Variants in NMNAT2 observed in about 807,000 individuals in gnomAD.
The protein encoded by NMNAT2 is nicotinamide nucleotide adenylyltransferase 2, also known as nicotinamide/nicotinic acid mononucleotide adenylyltransferase 2.
A neutral mutation model predicts 41.6 loss-of-function variants in NMNAT2; 11 were observed. The ratio of observed to expected loss-of-function variants is 0.26; its 90% CI spans 0.17 to 0.44. The LOEUF (loss-of-function observed/expected upper bound fraction) is 0.44, where lower values mean the gene tolerates loss of function less well. Among genes scored for constraint, NMNAT2 ranks in the 20% least tolerant of loss-of-function variants. NMNAT2 has a pLI of 1.00. For missense variants in NMNAT2, 288 were observed against 407.7 expected, an observed-to-expected ratio of 0.71 and a Z score of 2.53; for synonymous variants, 148 against 151.2, an observed-to-expected ratio of 0.98 and a Z score of 0.16.
chr1:183,253,160 TC>T (rs1249021235), intron 10 of NMNAT2, among the ~76,000 whole-genome samples: 1 of 151,054 alleles, frequency 6.6e-6, no homozygotes, highest in Admixed American at 6.6e-5. Context: ...TATATTTAAG[TC>T]ATACAATCTG....
chr1:183,385,584 A>G (rs114298361), intron 1 of NMNAT2, among the ~76,000 whole-genome samples: 2 of 152,192 alleles, frequency 1.3e-5, no homozygotes, highest in African/African-American at 4.8e-5. Flanking sequence ...TGATATAAAC[A>G]GACAGAGCCT....
chr1:183,293,119 G>GATAGA (rs1661587022), intron 2 of NMNAT2, among the ~76,000 whole-genome samples: 1 of 152,208 alleles, frequency 6.6e-6, no homozygotes. Flanking sequence ...AGCAGCCCCT[G>GATAGA]TGTGCCCTGC....
At chr1:183,366,863 T>G (rs1663424671) in intron 1 of NMNAT2, among the ~76,000 whole-genome samples, 1 of 152,090 alleles carries the variant, frequency 6.6e-6, no homozygotes, top group Non-Finnish European at 1.5e-5. Context: ...TCTTACCTCC[T>G]CCTGTCAACC....
In NMNAT2 at chr1:183,284,799, G is replaced by A. The variant is rs200896915; in HGVS notation, c.449-9C>T. The stretch of plus-strand genomic sequence containing the variant: ...CTTCCCCAAGATCTTGGCTATGGGA[G>A]AGAGCAAGACAGACAGGGACAGAGT... On this transcript the variant is annotated splice_polypyrimidine_tract_variant and intron_variant, in intron 5 of 10. Coordinates refer to ENST00000287713, the MANE Select transcript of NMNAT2 (RefSeq NM_015039.4). 8.7e-5 allele frequency: 140 copies of A among 1,612,852 alleles called. 3 individuals carry two copies. The South Asian group carries it at 1.4e-3, about 16-fold the overall frequency.
chr1:183,413,040 T>A (rs1279404327), intron 1 of NMNAT2, among the ~76,000 whole-genome samples: 6 of 152,256 alleles, frequency 3.9e-5, no homozygotes, highest in Non-Finnish European at 5.9e-5. Context: ...TTTTCCTGGC[T>A]GGCTCACTTG....
chr1:183,394,877 A>G (rs1648589111), intron 1 of NMNAT2, among the ~76,000 whole-genome samples: 1 of 152,222 alleles, frequency 6.6e-6, no homozygotes, highest in Non-Finnish European at 1.5e-5. Flanking sequence ...CCTTGGCAGG[A>G]GGCAGCTCCT....
intron 1 of NMNAT2, among the ~76,000 whole-genome samples, chr1:183,349,012 G>T (rs1662990595): frequency 6.6e-6 from 1 of 152,156 alleles, no homozygotes; most frequent in Admixed American, 6.5e-5. Flanking sequence ...GTTGACCCAG[G>T]CATGTCCACT....
chr1:183,269,700 T>C lies in NMNAT2; in HGVS notation c.652-8397A>G, dbSNP rs187583426. On this transcript the variant is annotated intron_variant, in intron 8 of 10. Transcript: ENST00000287713. The stretch of plus-strand genomic sequence containing the variant: ...CTTATGACAACTGTCTTCTGAGATA[T>C]GTGCCTCAGTTCTTATTTCATAGGT... Among the ~76,000 whole-genome samples, 102 of 152,376 alleles carry C rather than the reference T, an allele frequency of 6.7e-4. 1 individual carries two copies. Among genetic ancestry groups the C allele is most frequent in the Admixed American group, 6.1e-3 (93 of 15,308 alleles).
At chr1:183,369,886 T>C (rs1231993337) in intron 1 of NMNAT2, among the ~76,000 whole-genome samples, 1 of 151,980 alleles carries the variant, frequency 6.6e-6, no homozygotes, top group African/African-American at 2.4e-5. Context: ...ATTATCCCCA[T>C]TGCAAAATAG....
At chr1:183,254,248 G>T (rs1660465611) in intron 10 of NMNAT2, among the ~76,000 whole-genome samples, 2 of 152,114 alleles carry the variant, frequency 1.3e-5, no homozygotes. Flanking sequence ...ATCGACATTT[G>T]TTATCTCTTA....
intron 1 of NMNAT2, among the ~76,000 whole-genome samples, chr1:183,330,258 A>T (rs1445715049): frequency 6.6e-6 from 1 of 152,250 alleles, no homozygotes; most frequent in Non-Finnish European, 1.5e-5. Flanking sequence ...CATTTTGAAC[A>T]GTGCCTGGCA....
At chr1:183,339,742 C>T (rs1484960390) in intron 1 of NMNAT2, among the ~76,000 whole-genome samples, 2 of 149,658 alleles carry the variant, frequency 1.3e-5, no homozygotes, top group Non-Finnish European at 3.0e-5. Flanking sequence ...TGATAACTGC[C>T]CTGCCACCCA....
At chr1:183,271,065 T>C (rs112555663) in intron 8 of NMNAT2, among the ~76,000 whole-genome samples, 12 of 152,140 alleles carry the variant, frequency 7.9e-5, no homozygotes, top group Non-Finnish European at 1.6e-4. Context: ...ATGCTGGGCT[T>C]TGAGGAGCGC....
chr1:183,310,493 G>C (rs986454497), intron 1 of NMNAT2, among the ~76,000 whole-genome samples: 1 of 152,156 alleles, frequency 6.6e-6, no homozygotes, highest in Non-Finnish European at 1.5e-5. Flanking sequence ...CATGTCTCCA[G>C]TGATTTCCCA....
chr1:183,315,382 G>T (rs1662221805), intron 1 of NMNAT2, among the ~76,000 whole-genome samples: 1 of 150,464 alleles, frequency 6.6e-6, no homozygotes, highest in South Asian at 2.1e-4. Flanking sequence ...AATGTATCAC[G>T]CATGTCGGTA....
At chr1:183,351,660 G>A (rs907377802) in intron 1 of NMNAT2, among the ~76,000 whole-genome samples, 6 of 152,200 alleles carry the variant, frequency 3.9e-5, no homozygotes, top group African/African-American at 1.4e-4. Flanking sequence ...TGAACCTCTA[G>A]AAAAGTGGTG....
intron 1 of NMNAT2, among the ~76,000 whole-genome samples, chr1:183,319,649 CCT>C (rs61069158): frequency 2.0e-5 from 3 of 151,226 alleles, no homozygotes; most frequent in Non-Finnish European, 4.4e-5. Flanking sequence ...TTCTCCTCTG[CCT>C]CTCTCTCTCT....
intron 1 of NMNAT2, among the ~76,000 whole-genome samples, chr1:183,345,688 C>CTTT (rs5779171): frequency 8.2e-6 from 1 of 121,984 alleles, no homozygotes; most frequent in African/African-American, 2.9e-5. Flanking sequence ...ATATCCTTTT[C>CTTT]TTTTTTTTTT....
chr1:183,309,769 G>A (rs556105550), intron 1 of NMNAT2, among the ~76,000 whole-genome samples: 6 of 152,268 alleles, frequency 3.9e-5, no homozygotes, highest in East Asian at 3.9e-4. Context: ...CAGGAATTAC[G>A]AAAACCTGTA....
Sources: allele counts gnomAD v4.1 joint callset (sites outside exome capture counted in the v4.1 genomes callset), GRCh38; gene constraint gnomAD v4.1.1; transcripts MANE v1.5; gene names NCBI Gene and HGNC (gene_info 2026-07-23, HGNC 2026-07-21).